The following TBC1D2B variants were observed in gnomAD, a reference collection of about 807,000 sequenced individuals.
TBC1D2B encodes TBC1 domain family, member 2B.
A neutral mutation model predicts 100.8 loss-of-function variants in TBC1D2B; 64 were observed. That is an observed-to-expected ratio of 0.64 (90% CI 0.52 to 0.78). TBC1D2B has a LOEUF of 0.78. Ranked by LOEUF, TBC1D2B falls within the 30% of genes least tolerant of loss-of-function variation. The probability of loss-of-function intolerance (pLI) is 0.00; values close to 1 mark genes in which losing one functional copy is unlikely to be tolerated. For synonymous variants in TBC1D2B, 480 were observed against 479.7 expected (o/e 1.00, Z -0.01); for missense variants, 1,052 against 1,218.4 (o/e 0.86, Z 2.03).
At chr15:78,011,774 G>A (rs1205691419) in intron 9 of TBC1D2B, among the ~76,000 whole-genome samples, 2 of 150,956 alleles carry the variant, frequency 1.3e-5, no homozygotes, top group African/African-American at 4.9e-5. Context: ...TCAGCCTCCC[G>A]AGTAGCTGGG....
chr15:78,046,425 T>C (rs1294458909), intron 2 of TBC1D2B, among the ~76,000 whole-genome samples: 1 of 152,224 alleles, frequency 6.6e-6, no homozygotes, highest in Non-Finnish European at 1.5e-5. Flanking sequence ...TATCTCTATA[T>C]CAACAAAATC....
chr15:78,052,228 T>G (rs1174132041), intron 2 of TBC1D2B, among the ~76,000 whole-genome samples: 12 of 152,186 alleles, frequency 7.9e-5, no homozygotes, highest in Non-Finnish European at 1.6e-4. Flanking sequence ...AGCTAGTTCC[T>G]GGCCATCCTC....
Position 78,013,164 on chromosome 15 carries a change from A to G in TBC1D2B, c.1929T>C (p.Ser643=). 6.2e-7 allele frequency: 1 copy of G among 1,613,958 alleles called. No homozygotes were observed. Among genetic ancestry groups the G allele is most frequent in the Non-Finnish European group, 8.5e-7 (1 of 1,179,888 alleles). The part of the protein sequence containing the change: ...TGVKWENYFA[S]TVNREMMCSP... ...AGCACATCATCTCCCTGTTCACTGT[A>G]CTTGCAAAATAGTTTTCCCACTTGA... Residue 643 remains serine (S), a synonymous_variant, in exon 9 of 13, where the codon AGT becomes AGC. Transcript: ENST00000300584.
intron 2 of TBC1D2B, among the ~76,000 whole-genome samples, chr15:78,045,854 G>A (rs2073183399): frequency 6.6e-6 from 1 of 152,128 alleles, no homozygotes. Context: ...GTAATATTAT[G>A]TTATTCTTCG....
intron 10 of TBC1D2B, among the ~76,000 whole-genome samples, chr15:78,008,399 C>T (rs1011339482): frequency 3.3e-5 from 5 of 152,214 alleles, no homozygotes; most frequent in African/African-American, 4.8e-5. Context: ...GGTGCGGCAG[C>T]GGCAGGAATG....
In TBC1D2B at chr15:78,024,139, C is replaced by T. The variant is rs779957931; in HGVS notation, c.1470+17G>A. 6.3e-7 allele frequency: 1 copy of T among 1,596,370 alleles called. No individual in the cohort carries two copies. Among genetic ancestry groups the T allele is most frequent in the African/African-American group, 1.3e-5 (1 of 74,784 alleles). On this transcript the variant is annotated intron_variant, in intron 6 of 12. Coordinates refer to ENST00000300584, the MANE Select transcript of TBC1D2B (RefSeq NM_144572.2). ...GGTCTCTCATGCCAATCACCAGAGC[C>T]CCTGCCCCACTCTTACTTTCAGCCT...
intron 9 of TBC1D2B, among the ~76,000 whole-genome samples, chr15:78,011,353 A>G (rs1287108662): frequency 1.3e-5 from 2 of 152,200 alleles, no homozygotes; most frequent in Non-Finnish European, 2.9e-5. Context: ...AGCAGGAGCA[A>G]AAAAGGCCTG....
Position 78,040,880 on chromosome 15 carries a change from AAG to A in TBC1D2B, c.683+4018_683+4019del, listed in dbSNP as rs374888157. 1.0e-3 allele frequency among the ~76,000 whole-genome samples: 152 copies of A among 147,960 alleles called. 1 individual carries two copies. The highest frequency in any genetic ancestry group is 3.5e-3 in the African/African-American group (141 of 39,720). Reference sequence around the variant, plus strand: ...GAAGAAAGAAAGAAAGAAAGAAAGAAAGAGAGAGAGAGAGAAAGAAAGAAAGA... The same window carrying A: ...GAAGAAAGAAAGAAAGAAAGAAAGAAAGAGAGAGAGAGAAAGAAAGAAAGA... On this transcript the variant is annotated intron_variant, in intron 3 of 12. Transcript: ENST00000300584.
intron 6 of TBC1D2B, among the ~76,000 whole-genome samples, chr15:78,023,701 G>C (rs931784047): frequency 2.6e-5 from 4 of 152,186 alleles, no homozygotes; most frequent in Admixed American, 1.3e-4. Context: ...GGCCTACTTG[G>C]AAGCTGGAGT....
At chr15:78,009,590 G>A in intron 9 of TBC1D2B, among the ~76,000 whole-genome samples, 1 of 151,810 alleles carries the variant, frequency 6.6e-6, no homozygotes, top group Non-Finnish European at 1.5e-5. Context: ...GAGAAGCAAA[G>A]CTACTTTTCC....
chr15:78,031,311 T>TG (rs572390867), intron 3 of TBC1D2B, among the ~76,000 whole-genome samples: 350 of 152,276 alleles, frequency 2.3e-3, no homozygotes, highest in Non-Finnish European at 3.8e-3. Context: ...CCCAGTACTT[T>TG]GGGAGACTGA....
Position 77,998,049 on chromosome 15 carries a change from C to T in TBC1D2B, c.*111G>A, listed in dbSNP as rs1477785668. 2.7e-6 allele frequency: 3 copies of T among 1,119,922 alleles called. No individual in the cohort carries two copies. Among genetic ancestry groups the T allele is most frequent in the African/African-American group, 3.2e-5 (2 of 62,450 alleles). The allele number at this position is 1,119,922 out of a possible 1,614,324, so 69.4% of individuals were successfully genotyped here. On this transcript the variant is annotated 3_prime_UTR_variant, in exon 13 of 13. Transcript: ENST00000300584. ...AGGGCAGCCTGGCTTGGGACATCTG[C>T]CCAGCAGATCCCCAGAGGACACACA...
chr15:78,054,076 G>T lies in TBC1D2B; in HGVS notation c.472C>A (p.Pro158Thr). 1.2e-6 allele frequency: 2 copies of T among 1,613,696 alleles called. No homozygotes were observed. ...VKWDSRTSPT[P>T]GDFPKGLVAR... is the part of the protein sequence containing the mutation. ...ACAAGACCCTTAGGAAAATCCCCGG[G>T]AGTTGGAGAGGTCCTGCTGTCCCAC... Residue 158 changes from proline to threonine, a missense_variant, in exon 2 of 13, where the codon CCC becomes ACC. Pro to Thr is a conservative substitution (Grantham distance 38). Transcript: ENST00000300584.
intron 1 of TBC1D2B, among the ~76,000 whole-genome samples, chr15:78,055,362 AATATAAAT>A (rs1165858117): frequency 1.3e-5 from 2 of 152,184 alleles, no homozygotes; most frequent in Non-Finnish European, 1.5e-5. Flanking sequence ...AATGAACCTA[AATATAAAT>A]AAACTAGACT....
At chr15:78,075,850 GAGCAGCTCCAGCTGTT>G (rs59394121) in intron 1 of TBC1D2B, among the ~76,000 whole-genome samples, 73,695 of 151,568 alleles carry the variant, frequency 0.49, 18,807 homozygotes, top group East Asian at 0.63. Flanking sequence ...CATCTCCAGG[GAGCAGCTCCAGCTGTT>G]AGCAGCTCTG....
intron 10 of TBC1D2B, among the ~76,000 whole-genome samples, chr15:78,008,156 C>A (rs968124931): frequency 6.6e-6 from 1 of 152,234 alleles, no homozygotes; most frequent in African/African-American, 2.4e-5. Context: ...CCCAGCCCAG[C>A]CTAGGGATGA....
At chr15:78,048,316 G>A (rs2073240905) in intron 2 of TBC1D2B, among the ~76,000 whole-genome samples, 2 of 152,196 alleles carry the variant, frequency 1.3e-5, no homozygotes. Flanking sequence ...AAGAGACCAC[G>A]TGAGATTTAC....
chr15:78,072,082 C>T (rs993709287), intron 1 of TBC1D2B, among the ~76,000 whole-genome samples: 4 of 152,196 alleles, frequency 2.6e-5, no homozygotes, highest in African/African-American at 9.6e-5. Flanking sequence ...CCAAAGGCCC[C>T]ACCTCTAAAT....
intron 1 of TBC1D2B, among the ~76,000 whole-genome samples, chr15:78,072,879 C>T (rs1032793911): frequency 6.6e-6 from 1 of 152,186 alleles, no homozygotes; most frequent in Non-Finnish European, 1.5e-5. Flanking sequence ...CTCTGCTAGA[C>T]CCTTGCAGCA....
Sources: gnomAD v4.1 joint callset for allele counts (sites outside exome capture counted in the v4.1 genomes callset) on GRCh38, gnomAD v4.1.1 for gene constraint, MANE v1.5 for transcripts, NCBI Gene and HGNC (gene_info 2026-07-23, HGNC 2026-07-21) for gene names.